Variants in ZNF106 observed in about 807,000 individuals in gnomAD.
ZNF106 encodes zinc finger protein 106.
A neutral mutation model predicts 195.1 loss-of-function variants in ZNF106; 67 were observed. The ratio of observed to expected loss-of-function variants is 0.34; its 90% CI spans 0.28 to 0.42. The LOEUF (loss-of-function observed/expected upper bound fraction) is 0.42, where lower values mean the gene tolerates loss of function less well. Among genes scored for constraint, ZNF106 ranks in the 10% least tolerant of loss-of-function variants. The pLI is 1.00. For missense variants in ZNF106, 2,118 were observed against 2,304.5 expected, an observed-to-expected ratio of 0.92 and a Z score of 1.66; for synonymous variants, 784 against 818.6, an observed-to-expected ratio of 0.96 and a Z score of 0.72.
chr15:42,446,640 G>T lies in ZNF106; in HGVS notation c.3154C>A (p.Leu1052Ile). 1 of 1,605,580 alleles carries T rather than the reference G, an allele frequency of 6.2e-7. No homozygotes were observed. Among genetic ancestry groups the T allele is most frequent in the East Asian group, 2.2e-5 (1 of 44,706 alleles). The change falls in exon 7 of 22, where the codon CTC becomes ATC. Residue 1052 changes from leucine (L) to isoleucine (I), a missense_variant. Leu to Ile is a conservative substitution (Grantham distance 5). Transcript: ENST00000564754. The part of the protein sequence containing the change: ...RATGDGSSPE[L>I]PSLERKNKRR... The stretch of plus-strand genomic sequence containing the variant: ...TTATTTTTTCTCTCAAGACTTGGGA[G>T]TTCAGGAGAAGATCCATCCTGGAAG...
At chr15:42,469,906 A>G (rs1162183589) in intron 2 of ZNF106, among the ~76,000 whole-genome samples, 1 of 151,960 alleles carries the variant, frequency 6.6e-6, no homozygotes, top group African/African-American at 2.4e-5. Flanking sequence ...AAAAAGATCC[A>G]CAGGCACAGG....
chr15:42,450,638 C>A lies in ZNF106; in HGVS notation c.1634G>T (p.Gly545Val), dbSNP rs1158589465. The A allele has an allele frequency of 5.6e-6, 9 of 1,614,076 alleles. No homozygotes were observed. Among genetic ancestry groups the A allele is most frequent in the Non-Finnish European group, 6.8e-6 (8 of 1,180,008 alleles). ...HVLKGNKSTF[G>V]SQKQSGDNLN... is the part of the protein sequence containing the mutation. ...ATTATCACCAGATTGCTTTTGAGAG[C>A]CAAATGTACTTTTATTCCCTTTTAA... Residue 545 changes from glycine (G) to valine (V), a missense_variant, in exon 5 of 22, where the codon GGC becomes GTC. Coordinates refer to ENST00000564754, the MANE Select transcript of ZNF106 (RefSeq NM_001366845.3).
chr15:42,461,898 T>C (rs950664224), intron 3 of ZNF106, among the ~76,000 whole-genome samples: 1 of 152,226 alleles, frequency 6.6e-6, no homozygotes, highest in East Asian at 1.9e-4. Flanking sequence ...GTCCTTACAG[T>C]AAATGCTCCA....
At chr15:42,435,153 T>C (rs939618987) in intron 14 of ZNF106, among the ~76,000 whole-genome samples, 1 of 152,198 alleles carries the variant, frequency 6.6e-6, no homozygotes, top group Non-Finnish European at 1.5e-5. Flanking sequence ...CCAAGGAAGG[T>C]ATATTATTAA....
chr15:42,466,081 G>T lies in ZNF106; in HGVS notation c.88C>A (p.His30Asn). ...MDEHMRSMLH[H>N]RELENLKGRD... ...CCCTTGAGGTTCTCAAGTTCCCTGT[G>T]ATGCAACATGCTCCGCATGTGTTCG... is the stretch of plus-strand genomic sequence containing the variant. The change falls in exon 3 of 22, where the codon CAC becomes AAC. Residue 30 changes from histidine (H) to asparagine (N), a missense_variant. His to Asn is a moderately conservative substitution (Grantham distance 68, BLOSUM62 1). Transcript: ENST00000564754. The T allele has an allele frequency of 6.5e-7, 1 of 1,533,676 alleles. No homozygotes were observed. Among genetic ancestry groups the T allele is most frequent in the South Asian group, 1.2e-5 (1 of 83,656 alleles).
intron 13 of ZNF106, among the ~76,000 whole-genome samples, chr15:42,436,913 C>G (rs1219730327): frequency 2.0e-5 from 3 of 152,188 alleles, no homozygotes; most frequent in African/African-American, 7.2e-5. Flanking sequence ...GGTGATCGTT[C>G]AGGGAGTAAA....
At chr15:42,487,160 A>T (rs1337829860) in intron 1 of ZNF106, among the ~76,000 whole-genome samples, 1 of 151,956 alleles carries the variant, frequency 6.6e-6, no homozygotes, top group Non-Finnish European at 1.5e-5. Context: ...TTAAAAAAAT[A>T]AAATAAAATA....
chr15:42,423,053 G>A (rs1382275467), intron 17 of ZNF106, among the ~76,000 whole-genome samples: 1 of 151,980 alleles, frequency 6.6e-6, no homozygotes, highest in Non-Finnish European at 1.5e-5. Flanking sequence ...AGCTGTTTCT[G>A]TTGTTCATTT....
Position 42,451,816 on chromosome 15 carries a change from C to G in ZNF106, c.456G>C (p.Gln152His), listed in dbSNP as rs751118003. The G allele has an allele frequency of 6.2e-7, 1 of 1,614,234 alleles. No homozygotes were observed. Among genetic ancestry groups the G allele is most frequent in the South Asian group, 1.1e-5 (1 of 91,086 alleles). Reference protein sequence around the residue: ...QPAWHHRGPPQRDWKWEKDGF... With the variant: ...QPAWHHRGPPHRDWKWEKDGF... ...CATCTTTTTCCCATTTCCAATCCCG[C>G]TGTGGAGGTCCACGATGATGCCATG... is the stretch of plus-strand genomic sequence containing the variant. The change falls in exon 5 of 22, where the codon CAG becomes CAC. Residue 152 changes from glutamine to histidine, a missense_variant. By Grantham distance (24) the Gln-to-His change is conservative. Coordinates refer to ENST00000564754, the MANE Select transcript of ZNF106 (RefSeq NM_001366845.3).
chr15:42,417,901 G>A lies in ZNF106; in HGVS notation c.5568C>T (p.His1856=), dbSNP rs970901137. 2.5e-6 allele frequency: 4 copies of A among 1,614,006 alleles called. No individual in the cohort carries two copies. The highest frequency in any genetic ancestry group is 3.4e-6 in the Non-Finnish European group (4 of 1,180,006). Residue 1856 remains histidine (H), a synonymous_variant, in exon 21 of 22, where the codon CAC becomes CAT. Transcript: ENST00000564754. ...IFGVVDHLKQ[H]LLTDHTNPNF... ...TGGGATTAGTGTGGTCGGTCAGCAA[G>A]TGTTGTTTTAAATGATCTACAACGC...
intron 2 of ZNF106, among the ~76,000 whole-genome samples, chr15:42,469,046 G>A (rs935191236): frequency 1.5e-4 from 22 of 151,656 alleles, no homozygotes; most frequent in Admixed American, 1.3e-4. Context: ...TTAGCTGGGC[G>A]TGGTGGCGCA....
chr15:42,457,208 C>T (rs2056258387), intron 3 of ZNF106, 50 bp from the exon 4 acceptor site: 2 of 1,613,706 alleles, frequency 1.2e-6, no homozygotes, highest in East Asian at 4.5e-5. Flanking sequence ...ACTGGCATGG[C>T]ACACTCACCA....
chr15:42,460,790 G>C (rs1473244145), intron 3 of ZNF106, among the ~76,000 whole-genome samples: 1 of 151,592 alleles, frequency 6.6e-6, no homozygotes, highest in Non-Finnish European at 1.5e-5. Flanking sequence ...AACCCAGGAG[G>C]TGGAGGTTGC....
chr15:42,464,339 CAA>C (rs113858923), intron 3 of ZNF106, among the ~76,000 whole-genome samples: 3 of 115,804 alleles, frequency 2.6e-5, no homozygotes, highest in African/African-American at 6.5e-5. Flanking sequence ...GACTCCGTCT[CAA>C]AAAAAAAAAA....
intron 6 of ZNF106, 40 bp downstream of exon 6, chr15:42,448,032 C>T: frequency 6.4e-7 from 1 of 1,551,098 alleles, no homozygotes. Context: ...CAACTTGCCA[C>T]ATGCGATGTT....
rs1197558974 is a variant in ZNF106 at position 42,450,080 on chromosome 15, A to C, written c.2192T>G (p.Ile731Ser). Reference protein sequence around the residue: ...SLDAELQKSDISQPSGPLLPE... With the variant: ...SLDAELQKSDSSQPSGPLLPE... ...CAGGAGAGGGCCCGAGGGCTGACTGATGTCACTTTTTTGAAGCTCTGCATC... is the reference window on the plus strand; with the variant it reads ...CAGGAGAGGGCCCGAGGGCTGACTGCTGTCACTTTTTTGAAGCTCTGCATC... The change falls in exon 5 of 22, where the codon ATC becomes AGC. Residue 731 changes from isoleucine (I) to serine (S), a missense_variant. Transcript: ENST00000564754. The C allele has an allele frequency of 8.1e-6, 13 of 1,614,184 alleles. 1 individual carries two copies. Among genetic ancestry groups the C allele is most frequent in the Non-Finnish European group, 8.5e-6 (10 of 1,180,038 alleles).
chr15:42,422,660 C>G (rs771063247), intron 17 of ZNF106, 40 bp from the exon 18 acceptor site: 1 of 1,566,982 alleles, frequency 6.4e-7, no homozygotes. Flanking sequence ...GACTGACTTT[C>G]GAGACTCCTT....
At chr15:42,464,942 T>C (rs8023929) in intron 3 of ZNF106, among the ~76,000 whole-genome samples, 61,597 of 152,090 alleles carry the variant, frequency 0.41, 14,509 homozygotes, top group African/African-American at 0.66. Flanking sequence ...CCATGTAAGA[T>C]GTAACTCTGC....
rs748898859 is a variant in ZNF106 at position 42,448,565 on chromosome 15, C to T, written c.2642G>A (p.Arg881Gln). Residue 881 changes from arginine to glutamine, a missense_variant, in exon 6 of 22, where the codon CGA becomes CAA. Physicochemically the swap from Arg to Gln is conservative, Grantham distance 43. Coordinates refer to ENST00000564754, the MANE Select transcript of ZNF106 (RefSeq NM_001366845.3). ...ISSSPGLARKRSLSESSVIMD... is the reference protein window; with the variant it reads ...ISSSPGLARKQSLSESSVIMD... ...GATCACGCTGCTCTCAGAAAGGCTT[C>T]GCTTTCTTGCCAAGCCAGGGGACGA... 5.6e-6 allele frequency: 9 copies of T among 1,614,142 alleles called. No individual in the cohort carries two copies. The highest frequency in any genetic ancestry group is 1.1e-5 in the South Asian group (1 of 91,078).
Sources: allele counts gnomAD v4.1 joint callset (sites outside exome capture counted in the v4.1 genomes callset), GRCh38; gene constraint gnomAD v4.1.1; transcripts MANE v1.5; gene names NCBI Gene and HGNC (gene_info 2026-07-23, HGNC 2026-07-21).